TNS4: variants seen among roughly 807,000 people sequenced by gnomAD.
TNS4 encodes tensin-4.
A neutral mutation model predicts 70.4 loss-of-function variants in TNS4; 46 were observed. The ratio of observed to expected loss-of-function variants is 0.65; its 90% CI spans 0.52 to 0.84. The LOEUF (loss-of-function observed/expected upper bound fraction) is 0.84, where lower values mean the gene tolerates loss of function less well. Among genes scored for constraint, TNS4 ranks in the 40% least tolerant of loss-of-function variants. The pLI, the probability that TNS4 is intolerant of heterozygous loss-of-function variation, is 0.00. For missense variants in TNS4, 863 were observed against 907.0 expected (o/e 0.95, Z 0.62); for synonymous variants, 390 against 366.6 (o/e 1.06, Z -0.73).
chr17:40,478,771 C>T (rs1247689155), intron 10 of TNS4, 123 bp from the exon 11 acceptor site: 1 of 1,079,318 alleles, frequency 9.3e-7, no homozygotes, highest in Admixed American at 2.1e-5. Flanking sequence ...CTGGGTTAGA[C>T]CTTGAAGACC....
intron 11 of TNS4, 53 bp downstream of exon 11, chr17:40,478,527 T>C (rs2143775041): frequency 6.2e-7 from 1 of 1,606,520 alleles, no homozygotes; most frequent in South Asian, 1.1e-5. Flanking sequence ...GACGCCTTGG[T>C]GGGCAGCGGG....
intron 1 of TNS4, among the ~76,000 whole-genome samples, chr17:40,497,069 G>A (rs942090457): frequency 6.6e-6 from 1 of 152,136 alleles, no homozygotes; most frequent in African/African-American, 2.4e-5. Flanking sequence ...CTGGGCCCTC[G>A]GCTGCCTGAT....
rs994559152 is a variant in TNS4 at position 40,476,212 on chromosome 17, C to T, written c.*1376G>A. ...CTCAGGCCTGCGGGAGAAATGGTTCCAGCTTCTGGAGGCTGGGTGGGGGTG... is the reference window on the plus strand; with the variant it reads ...CTCAGGCCTGCGGGAGAAATGGTTCTAGCTTCTGGAGGCTGGGTGGGGGTG... On this transcript the variant is annotated 3_prime_UTR_variant, in exon 13 of 13. Transcript: ENST00000254051. 6.0e-5 allele frequency: 7 copies of T among 117,304 alleles called. No homozygotes were observed. The highest frequency in any genetic ancestry group is 6.4e-5 in the Non-Finnish European group (4 of 62,068). The allele number at this position is 117,304 out of a possible 1,614,324, so 7.3% of individuals were successfully genotyped here. A position where few individuals can be genotyped will look rare whatever the true frequency, so the allele number is the denominator to read the frequency against.
In TNS4 at chr17:40,477,664, T is replaced by C. The variant is rs1163700170; in HGVS notation, c.2072A>G (p.Glu691Gly). 1 of 1,613,936 alleles carries C rather than the reference T, an allele frequency of 6.2e-7. No homozygotes were observed. The highest frequency in any genetic ancestry group is 8.5e-7 in the Non-Finnish European group (1 of 1,179,998). The change falls in exon 13 of 13, where the codon GAG (glutamate) becomes GGG (glycine). Residue 691 changes from glutamate to glycine, a missense_variant. By Grantham distance (98) the Glu-to-Gly change is moderately conservative. Coordinates refer to ENST00000254051, the MANE Select transcript of TNS4 (RefSeq NM_032865.6). ...PQENVCHLFAEYDMVQPASQV... is the reference protein window; with the variant it reads ...PQENVCHLFAGYDMVQPASQV... Reference sequence around the variant, plus strand: ...CGAGGCTGGCTGGACCATGTCATACTCCGCAAAGAGGTGGCATACGTTCTC... The same window carrying C: ...CGAGGCTGGCTGGACCATGTCATACCCCGCAAAGAGGTGGCATACGTTCTC...
At chr17:40,495,696 G>A (rs992725070) in intron 2 of TNS4, among the ~76,000 whole-genome samples, 6 of 152,088 alleles carry the variant, frequency 3.9e-5, no homozygotes, top group Non-Finnish European at 7.4e-5. Flanking sequence ...TTATGGGCAC[G>A]GCACTGCACA....
At chr17:40,483,995 G>A (rs2035959688) in intron 6 of TNS4, among the ~76,000 whole-genome samples, 1 of 152,188 alleles carries the variant, frequency 6.6e-6, no homozygotes, top group African/African-American at 2.4e-5. Flanking sequence ...AGTGCCTGGT[G>A]TGTGGTGATG....
At chr17:40,492,874 G>A (rs990706655) in intron 2 of TNS4, among the ~76,000 whole-genome samples, 7 of 151,772 alleles carry the variant, frequency 4.6e-5, no homozygotes, top group African/African-American at 1.5e-4. Flanking sequence ...GTGAAACCCC[G>A]TCTCTACTAA....
At chr17:40,496,581 C>G in intron 1 of TNS4, 61 bp from the exon 2 acceptor site, 1 of 744,564 alleles carries the variant, frequency 1.3e-6, no homozygotes, top group Non-Finnish European at 2.1e-6. Context: ...TGCCTCCCAC[C>G]CTCCGTACAA....
intron 1 of TNS4, among the ~76,000 whole-genome samples, chr17:40,498,553 A>C (rs1383392223): frequency 6.6e-6 from 1 of 152,098 alleles, no homozygotes; most frequent in African/African-American, 2.4e-5. Flanking sequence ...CCCTATTGTC[A>C]GTCCTCTTGT....
chr17:40,495,910 T>C, intron 2 of TNS4, 77 bp downstream of exon 2: 2 of 1,490,310 alleles, frequency 1.3e-6, no homozygotes, highest in Non-Finnish European at 1.8e-6. Context: ...TCCCCTTCTC[T>C]GTACATAGGA....
rs886774435 is a variant in TNS4 at position 40,487,548 on chromosome 17, C to A, written c.864-88G>T. On this transcript the variant is annotated intron_variant, in intron 3 of 12. Transcript: ENST00000254051. ...GCTCCGGATCTGGTGATCTGGGTTC[C>A]CATGGCTTTAAAGGCCAAATAGAAC... The A allele has an allele frequency of 1.3e-5, 19 of 1,449,944 alleles. No individual in the cohort carries two copies. The East Asian group carries it at 4.4e-4, about 33-fold the overall frequency. The allele number at this position is 1,449,944 out of a possible 1,614,324, so 89.8% of individuals were successfully genotyped here.
At chr17:40,482,608 A>ACACACACAGT (rs1288741267) in intron 6 of TNS4, among the ~76,000 whole-genome samples, 192 bp from the exon 7 acceptor site, 1 of 151,538 alleles carries the variant, frequency 6.6e-6, no homozygotes, top group East Asian at 1.9e-4. Flanking sequence ...ACACACACAC[A>ACACACACAGT]CACACACACA....
chr17:40,487,514 TAG>T, intron 3 of TNS4, 54 bp from the exon 4 acceptor site: 1 of 1,545,534 alleles, frequency 6.5e-7, no homozygotes, highest in Non-Finnish European at 8.8e-7. Flanking sequence ...GCTCAGGGGC[TAG>T]AGTCAGGCTC....
intron 4 of TNS4, 115 bp from the exon 5 acceptor site, chr17:40,485,122 A>G (rs1314326993): frequency 2.3e-6 from 2 of 863,668 alleles, no homozygotes; most frequent in Non-Finnish European, 3.7e-6. Flanking sequence ...GTTTCATTCA[A>G]CCACCATCCC....
At chr17:40,478,484 C>A (rs773328922) in intron 11 of TNS4, 96 bp downstream of exon 11, 1 of 1,562,780 alleles carries the variant, frequency 6.4e-7, no homozygotes, top group South Asian at 1.1e-5. Flanking sequence ...GGTTCACAGG[C>A]TCCCTCTGGG....
At chr17:40,477,800 TG>T (rs2035868339) in intron 12 of TNS4, 71 bp from the exon 13 acceptor site, 5 of 1,341,978 alleles carry the variant, frequency 3.7e-6, no homozygotes, top group South Asian at 1.2e-5. Context: ...AATGGGGTGG[TG>T]GGGGGCCCTC....
intron 3 of TNS4, 46 bp downstream of exon 3, chr17:40,488,500 G>T (rs34377860): frequency 2.1e-6 from 3 of 1,454,374 alleles, no homozygotes; most frequent in South Asian, 3.3e-5. Flanking sequence ...GCATGCGTGC[G>T]TGTGCCTGTG....
chr17:40,485,760 C>T (rs2035982243), intron 4 of TNS4, among the ~76,000 whole-genome samples: 1 of 152,116 alleles, frequency 6.6e-6, no homozygotes, highest in African/African-American at 2.4e-5. Flanking sequence ...TCCCTGGGTC[C>T]CTAAGGCAGA....
chr17:40,487,029 G>A lies in TNS4; in HGVS notation c.1288+7C>T. The A allele has an allele frequency of 6.2e-7, 1 of 1,612,398 alleles. No homozygotes were observed. The highest frequency in any genetic ancestry group is 8.5e-7 in the Non-Finnish European group (1 of 1,178,550). On this transcript the variant is annotated splice_region_variant and intron_variant, in intron 4 of 12. Coordinates refer to ENST00000254051, the MANE Select transcript of TNS4 (RefSeq NM_032865.6). ...TACATTGCTTCAAATATTGGTTTACGACGTACCCTCTGGGCATGTGGTAAA... is the reference window on the plus strand; with the variant it reads ...TACATTGCTTCAAATATTGGTTTACAACGTACCCTCTGGGCATGTGGTAAA...
Sources: gnomAD v4.1 joint callset for allele counts (sites outside exome capture counted in the v4.1 genomes callset) on GRCh38, gnomAD v4.1.1 for gene constraint, MANE v1.5 for transcripts, NCBI Gene and HGNC (gene_info 2026-07-23, HGNC 2026-07-21) for gene names.